The following CACNA2D1 variants were observed in gnomAD, a reference collection of about 807,000 sequenced individuals.
CACNA2D1 encodes the protein voltage-dependent calcium channel subunit alpha-2/delta-1.
CACNA2D1 carries 53 observed loss-of-function variants against 171.5 expected under a neutral mutation model. The ratio of observed to expected loss-of-function variants is 0.31; its 90% CI spans 0.25 to 0.39. The LOEUF (loss-of-function observed/expected upper bound fraction) is 0.39. Among genes scored for constraint, CACNA2D1 ranks in the 10% least tolerant of loss-of-function variants. CACNA2D1 has a pLI of 1.00. For synonymous variants in CACNA2D1, 442 were observed against 443.1 expected (o/e 1.00, Z 0.03); for missense variants, 903 against 1,299.8 (o/e 0.69, Z 4.69).
rs141903782 is a variant in CACNA2D1 at position 81,979,848 on chromosome 7, C to T, written c.1955+2719G>A. Among the ~76,000 whole-genome samples, 244 of 151,920 alleles carry T rather than the reference C, an allele frequency of 1.6e-3. 5 individuals carry two copies. The East Asian group carries it at 0.017, about 11-fold the overall frequency. The stretch of plus-strand genomic sequence containing the variant: ...ATTCTTTATATATTTACAGATTCTC[C>T]AGTCACCAAGTATTTATTCAGCACC... On this transcript the variant is annotated intron_variant, in intron 24 of 38. Coordinates refer to ENST00000356860, the MANE Select transcript of CACNA2D1 (RefSeq NM_000722.4).
At chr7:82,336,500 A>G (rs913590238) in intron 2 of CACNA2D1, among the ~76,000 whole-genome samples, 3 of 152,198 alleles carry the variant, frequency 2.0e-5, no homozygotes, top group African/African-American at 7.2e-5. Context: ...TACCATACTC[A>G]TGTGAACTTT....
intron 3 of CACNA2D1, among the ~76,000 whole-genome samples, chr7:82,186,211 GGGAGGGAA>G (rs1797725734): frequency 7.4e-6 from 1 of 135,056 alleles, no homozygotes; most frequent in African/African-American, 2.8e-5. Context: ...GAGGGAGGGA[GGGAGGGAA>G]AGAGAGAGAG....
chr7:82,038,151 C>A lies in CACNA2D1; in HGVS notation c.964G>T (p.Val322Leu). The A allele has an allele frequency of 6.2e-7, 1 of 1,613,654 alleles. No homozygotes were observed. Among genetic ancestry groups the A allele is most frequent in the Non-Finnish European group, 8.5e-7 (1 of 1,179,686 alleles). ...ATTCCTTTGGCTGTGATATTATTCACCGCGTCTTTCAACACTTTTTTATTT... is the reference window on the plus strand; with the variant it reads ...ATTCCTTTGGCTGTGATATTATTCAACGCGTCTTTCAACACTTTTTTATTT... ...VRNKKVLKDA[V>L]NNITAKGITD... Residue 322 changes from valine (V) to leucine (L), a missense_variant, in exon 11 of 39, where the codon GTG (valine) becomes TTG (leucine). Around this residue, in one of 5 missense-constraint regions of CACNA2D1, gnomAD observed 623 missense variants for 925.5 expected, o/e 0.67. Transcript: ENST00000356860.
chr7:82,217,469 G>T (rs925793959), intron 3 of CACNA2D1, among the ~76,000 whole-genome samples: 1 of 132,174 alleles, frequency 7.6e-6, no homozygotes, highest in African/African-American at 3.1e-5. Flanking sequence ...AAATTTCACG[G>T]CTATGTCCAA....
At position 82,335,262 on chromosome 7, in the gene CACNA2D1, GA is replaced by G. The variant is rs5885290; in HGVS notation, c.178-12del. ...ATATTTCTCATAAATCTGTGTGAAA[GA>G]AAAAAAAAACTAGTAAGAACAATAG... On this transcript the variant is annotated splice_polypyrimidine_tract_variant and intron_variant, in intron 2 of 38. Transcript: ENST00000356860. 343 of 1,320,876 alleles carry G rather than the reference GA, an allele frequency of 2.6e-4. 1 individual carries two copies. The highest frequency in any genetic ancestry group is 7.7e-4 in the African/African-American group (52 of 67,422). 81.8% of individuals were successfully genotyped at this position (1,320,876 alleles called of 1,614,324 possible). A position where few individuals can be genotyped will look rare whatever the true frequency, so the allele number is the denominator to read the frequency against.
At chr7:82,152,162 T>C (rs1224990042) in intron 4 of CACNA2D1, among the ~76,000 whole-genome samples, 1 of 151,966 alleles carries the variant, frequency 6.6e-6, no homozygotes, top group African/African-American at 2.4e-5. Flanking sequence ...TAAGTATTAA[T>C]ATAATAATAT....
At chr7:82,197,876 T>G (rs541648589) in intron 3 of CACNA2D1, among the ~76,000 whole-genome samples, 1 of 152,068 alleles carries the variant, frequency 6.6e-6, no homozygotes, top group African/African-American at 2.4e-5. Context: ...CAGTTATATT[T>G]ATGGGAAATG....
At chr7:82,038,261 A>G in intron 10 of CACNA2D1, 26 bp from the exon 11 acceptor site, 1 of 1,582,944 alleles carries the variant, frequency 6.3e-7, no homozygotes, top group Non-Finnish European at 8.7e-7. Context: ...AAGTAAATAT[A>G]TAAATGAACA....
intron 3 of CACNA2D1, among the ~76,000 whole-genome samples, chr7:82,173,191 T>C (rs1796226846): frequency 6.6e-6 from 1 of 152,106 alleles, no homozygotes; most frequent in South Asian, 2.1e-4. Context: ...CAGTTAACTA[T>C]TTCCAGAGAA....
chr7:82,110,336 CTCA>C (rs978508186), intron 6 of CACNA2D1, among the ~76,000 whole-genome samples: 11 of 152,160 alleles, frequency 7.2e-5, no homozygotes, highest in Admixed American at 3.3e-4. Context: ...GATTAGTGGC[CTCA>C]TGAGAAAAGA....
intron 12 of CACNA2D1, among the ~76,000 whole-genome samples, chr7:82,015,059 A>C (rs528738247): frequency 6.6e-6 from 1 of 152,172 alleles, no homozygotes; most frequent in African/African-American, 2.4e-5. Flanking sequence ...TTTCAAAAAA[A>C]GAAAAAAGAA....
At chr7:82,438,674 A>G (rs1170438768) in intron 1 of CACNA2D1, among the ~76,000 whole-genome samples, 1 of 152,206 alleles carries the variant, frequency 6.6e-6, no homozygotes, top group African/African-American at 2.4e-5. Context: ...CAGTCGTGGT[A>G]CTGCTCACAG....
rs369754396 is a variant in CACNA2D1, at chr7:82,304,979, C to T, written c.294+30156G>A. On this transcript the variant is annotated intron_variant, in intron 3 of 38. Transcript: ENST00000356860. ...ATGTAACAAAATATCATGTGTACAC[C>T]GTAAGTATGTACACATATTATGTAA... Among the ~76,000 whole-genome samples the T allele has an allele frequency of 1.4e-3, 207 of 152,000 alleles. 3 individuals carry two copies. In the South Asian group the frequency reaches 0.042, roughly 31 times the overall value.
chr7:81,957,933 AAAAACTGGTGACAAATAGTTGAT>A (rs1793622225), intron 38 of CACNA2D1, among the ~76,000 whole-genome samples: 1 of 152,076 alleles, frequency 6.6e-6, no homozygotes, highest in Non-Finnish European at 1.5e-5. Flanking sequence ...TCTAGTGTCA[AAAAACTGGTGACAAATAGTTGAT>A]GAGCGAAGTT....
chr7:82,426,188 T>C (rs1257966950), intron 1 of CACNA2D1, among the ~76,000 whole-genome samples: 1 of 149,358 alleles, frequency 6.7e-6, no homozygotes. Flanking sequence ...AATACATAAA[T>C]TCTATTTGGT....
intron 1 of CACNA2D1, among the ~76,000 whole-genome samples, chr7:82,432,092 A>G (rs2129458907): frequency 6.6e-6 from 1 of 151,576 alleles, no homozygotes; most frequent in East Asian, 1.9e-4. Flanking sequence ...CCTGGCATAC[A>G]GAAGGAGCTC....
intron 3 of CACNA2D1, among the ~76,000 whole-genome samples, chr7:82,327,026 G>C (rs1445155837): frequency 1.3e-5 from 2 of 152,156 alleles, no homozygotes; most frequent in Admixed American, 6.6e-5. Context: ...GATTTGATAT[G>C]AATATAACTG....
At chr7:82,179,529 C>G (rs942812714) in intron 3 of CACNA2D1, among the ~76,000 whole-genome samples, 3 of 152,112 alleles carry the variant, frequency 2.0e-5, no homozygotes, top group Non-Finnish European at 4.4e-5. Flanking sequence ...CCTTCAATCA[C>G]TTTGCATAAC....
chr7:82,149,796 A>AAAAAAAAAAGAAAAG (rs1793595825), intron 4 of CACNA2D1, among the ~76,000 whole-genome samples: 4 of 136,766 alleles, frequency 2.9e-5, no homozygotes, highest in Non-Finnish European at 3.2e-5. Context: ...ACAAACAACA[A>AAAAAAAAAAGAAAAG]AAAAAAAAAC....
Sources: allele counts gnomAD v4.1 joint callset (sites outside exome capture counted in the v4.1 genomes callset), GRCh38; gene constraint gnomAD v4.1.1; regional missense constraint gnomAD v4.1.1; transcripts MANE v1.5; gene names NCBI Gene and HGNC (gene_info 2026-07-23, HGNC 2026-07-21).